Variants in RAB2A observed in about 807,000 individuals in gnomAD.
The protein encoded by RAB2A is RAB2A, member RAS oncogene family.
A neutral mutation model predicts 32.5 loss-of-function variants in RAB2A; 7 were observed. The observed-to-expected ratio is 0.22, with a 90% CI of 0.12 to 0.40. The LOEUF is 0.40. Ranked by LOEUF, RAB2A falls within the 10% of genes least tolerant of loss-of-function variation. RAB2A has a pLI of 1.00. For missense variants in RAB2A, 108 were observed against 260.7 expected (o/e 0.41, Z 4.03); for synonymous variants, 79 against 85.2 (o/e 0.93, Z 0.40).
At chr8:60,578,143 T>A (rs2130844739) in intron 3 of RAB2A, among the ~76,000 whole-genome samples, 1 of 152,290 alleles carries the variant, frequency 6.6e-6, no homozygotes, top group South Asian at 2.1e-4. Flanking sequence ...TTCTCACAAA[T>A]CTTAATTTTC....
In RAB2A at chr8:60,620,665, T is replaced by C. The variant is rs888344807; in HGVS notation, c.544-9T>C. The C allele has an allele frequency of 2.5e-6, 4 of 1,600,120 alleles. No individual in the cohort carries two copies. Among genetic ancestry groups the C allele is most frequent in the Admixed American group, 1.7e-5 (1 of 59,968 alleles). ...GTCATATTTATTGTTCTGTTCTCTT[T>C]TATTTCAGGCAAATGGCATTAAAAT... On this transcript the variant is annotated splice_polypyrimidine_tract_variant and intron_variant, in intron 7 of 7. Transcript: ENST00000262646.
At chr8:60,619,242 C>T (rs957213467) in intron 7 of RAB2A, 2 of 152,148 alleles carry the variant, frequency 1.3e-5, no homozygotes, top group Non-Finnish European at 2.9e-5. Context: ...AGCTTTGAAG[C>T]ATCTAATTCA....
chr8:60,593,554 CA>C (rs151012133), intron 6 of RAB2A, among the ~76,000 whole-genome samples: 7,272 of 152,194 alleles, frequency 0.048, 420 homozygotes, highest in African/African-American at 0.14. Context: ...AATCCCCAGG[CA>C]GTAATGAAGT....
chr8:60,522,751 G>T (rs1807320173), intron 1 of RAB2A, among the ~76,000 whole-genome samples: 1 of 151,814 alleles, frequency 6.6e-6, no homozygotes, highest in African/African-American at 2.4e-5. Flanking sequence ...GGAAGGAAGG[G>T]GATTAGATTC....
At chr8:60,572,156 C>CT (rs1563473859) in intron 3 of RAB2A, 43 bp downstream of exon 3, 2 of 1,421,010 alleles carry the variant, frequency 1.4e-6, no homozygotes. Context: ...AGTAAAGTTA[C>CT]TTTATGAAAG....
chr8:60,582,861 G>C (rs981794687), intron 3 of RAB2A, among the ~76,000 whole-genome samples: 1 of 152,124 alleles, frequency 6.6e-6, no homozygotes, highest in Non-Finnish European at 1.5e-5. Context: ...AGGCATAAAT[G>C]GGTTAAAAAC....
intron 3 of RAB2A, chr8:60,583,944 A>G (rs1272541502): frequency 3.5e-6 from 1 of 285,512 alleles, no homozygotes; most frequent in Non-Finnish European, 6.9e-6. Flanking sequence ...GTTGTCAGGG[A>G]TTGCCAAAAA....
At chr8:60,608,699 T>C (rs2150436083) in intron 6 of RAB2A, among the ~76,000 whole-genome samples, 1 of 151,592 alleles carries the variant, frequency 6.6e-6, no homozygotes, top group Middle Eastern at 3.4e-3. Context: ...TTACTTCAGG[T>C]ACCATTTTAG....
chr8:60,529,325 A>C (rs1409280786), intron 1 of RAB2A, among the ~76,000 whole-genome samples: 3 of 152,182 alleles, frequency 2.0e-5, no homozygotes, highest in Non-Finnish European at 4.4e-5. Context: ...ACTTGATATT[A>C]GCGTGGATTA....
chr8:60,596,644 C>T (rs939191579), intron 6 of RAB2A, among the ~76,000 whole-genome samples: 13 of 152,028 alleles, frequency 8.6e-5, no homozygotes, highest in African/African-American at 2.9e-4. Context: ...AGGAAACGGC[C>T]GGGCGCGGTG....
chr8:60,520,133 G>C (rs1437103787), intron 1 of RAB2A, among the ~76,000 whole-genome samples: 1 of 152,188 alleles, frequency 6.6e-6, no homozygotes, highest in Non-Finnish European at 1.5e-5. Flanking sequence ...GAGGATAAAT[G>C]TGAAAGTACT....
chr8:60,587,176 G>C (rs1440549364), intron 5 of RAB2A, among the ~76,000 whole-genome samples: 1 of 152,126 alleles, frequency 6.6e-6, no homozygotes, highest in Non-Finnish European at 1.5e-5. Flanking sequence ...ACATAGATCA[G>C]TAGAGCCGAA....
intron 3 of RAB2A, among the ~76,000 whole-genome samples, chr8:60,580,538 T>G (rs980791489): frequency 6.6e-6 from 1 of 152,252 alleles, no homozygotes; most frequent in Admixed American, 6.5e-5. Context: ...TAAACTATTC[T>G]GAACACTCAT....
chr8:60,551,242 T>C (rs2130825418), intron 1 of RAB2A, among the ~76,000 whole-genome samples: 1 of 152,320 alleles, frequency 6.6e-6, no homozygotes, highest in South Asian at 2.1e-4. Context: ...TGTGCACACA[T>C]GTTGGGAAAA....
intron 1 of RAB2A, among the ~76,000 whole-genome samples, chr8:60,525,655 A>G (rs987360636): frequency 1.3e-5 from 2 of 152,122 alleles, no homozygotes; most frequent in Non-Finnish European, 2.9e-5. Flanking sequence ...TCTCATTTTC[A>G]GGTATAGCTG....
In RAB2A at chr8:60,584,750, C is replaced by G. The variant is rs773993018; in HGVS notation, c.297C>G (p.Thr99=). The change falls in exon 5 of 8, where the codon ACC becomes ACG. Residue 99 remains threonine (T), a synonymous_variant. Coordinates refer to ENST00000262646, the MANE Select transcript of RAB2A (RefSeq NM_002865.3). ...GAGATACATTCAACCACTTGACAAC[C>G]TGGTTAGAAGATGCCCGCCAGCATT... The part of the protein sequence containing the change: ...TRRDTFNHLT[T]WLEDARQHSN... 7 of 1,612,938 alleles carry G rather than the reference C, an allele frequency of 4.3e-6. No individual in the cohort carries two copies. The highest frequency in any genetic ancestry group is 5.1e-6 in the Non-Finnish European group (6 of 1,179,418).
intron 1 of RAB2A, among the ~76,000 whole-genome samples, chr8:60,557,880 A>G (rs1191199942): frequency 6.6e-6 from 1 of 152,122 alleles, no homozygotes; most frequent in African/African-American, 2.4e-5. Flanking sequence ...ACCCTTTCTC[A>G]TAGCATTCTA....
intron 1 of RAB2A, among the ~76,000 whole-genome samples, chr8:60,546,915 T>A (rs1469970738): frequency 1.1e-4 from 12 of 114,206 alleles, no homozygotes; most frequent in East Asian, 4.6e-4. Flanking sequence ...TTTTTTTTTT[T>A]ATTGATCATT....
At chr8:60,537,088 AT>A (rs1192203128) in intron 1 of RAB2A, among the ~76,000 whole-genome samples, 21 of 152,306 alleles carry the variant, frequency 1.4e-4, no homozygotes, top group Middle Eastern at 3.4e-3. Flanking sequence ...CTACACAGTA[AT>A]TTCTAGGTTT....
Sources: gnomAD v4.1 joint callset for allele counts (sites outside exome capture counted in the v4.1 genomes callset) on GRCh38, gnomAD v4.1.1 for gene constraint, MANE v1.5 for transcripts, NCBI Gene and HGNC (gene_info 2026-07-23, HGNC 2026-07-21) for gene names.